DYNC2H1: variants seen among roughly 807,000 people sequenced by gnomAD.
The protein encoded by DYNC2H1 is dynein cytoplasmic 2 heavy chain 1.
DYNC2H1 carries 410 observed loss-of-function variants against 570.0 expected under a neutral mutation model. The observed-to-expected ratio is 0.72, with a 90% CI of 0.66 to 0.78. The LOEUF is 0.78. DYNC2H1 is among the 30% of genes least tolerant of loss of function. The pLI, the probability that DYNC2H1 is intolerant of heterozygous loss-of-function variation, is 0.00. For synonymous variants in DYNC2H1, 1,688 were observed against 1,677.6 expected (o/e 1.01, Z -0.15); for missense variants, 4,865 against 5,046.4 (o/e 0.96, Z 1.09).
At chr11:103,391,583 G>C (rs947042736) in intron 83 of DYNC2H1, among the ~76,000 whole-genome samples, 1 of 152,212 alleles carries the variant, frequency 6.6e-6, no homozygotes, top group Non-Finnish European at 1.5e-5. Context: ...CTGATTTTTA[G>C]AATTTTCAGC....
chr11:103,443,132 C>G (rs1944321012), intron 85 of DYNC2H1, among the ~76,000 whole-genome samples: 1 of 151,904 alleles, frequency 6.6e-6, no homozygotes, highest in South Asian at 2.1e-4. Flanking sequence ...CAATAAATCC[C>G]AGCTATCAAA....
At chr11:103,456,250 T>G (rs777654992) in intron 86 of DYNC2H1, 25 bp from the exon 87 acceptor site, 8 of 1,569,322 alleles carry the variant, frequency 5.1e-6, no homozygotes, top group Middle Eastern at 1.7e-4. Context: ...TATTGATTTG[T>G]GACTTTGATG....
At chr11:103,344,727 ATTC>A (rs1324031291) in intron 82 of DYNC2H1, among the ~76,000 whole-genome samples, 4 of 152,158 alleles carry the variant, frequency 2.6e-5, no homozygotes, top group Non-Finnish European at 4.4e-5. Context: ...ATTTATGTGT[ATTC>A]TTCTGATTTT....
chr11:103,228,923 A>AT lies in DYNC2H1; in HGVS notation c.9354-2337_9354-2336insT, dbSNP rs1468977104. Among the ~76,000 whole-genome samples, 1 of 150,940 alleles carries AT rather than the reference A, an allele frequency of 6.6e-6. No homozygotes were observed. The highest frequency in any genetic ancestry group is 6.6e-5 in the Admixed American group (1 of 15,128). Reference sequence around the variant, plus strand: ...GGGCTTGTTGTGGCTGCTGTGGGGGAGGGGGGTGTGGTTTCCAGTCCAATG... The same window carrying AT: ...GGGCTTGTTGTGGCTGCTGTGGGGGATGGGGGGTGTGGTTTCCAGTCCAATG... On this transcript the variant is annotated intron_variant, in intron 59 of 88. Transcript: ENST00000375735. This position sits in a 1 kb window ranked among gnomAD's most constrained non-coding sequence, Gnocchi z 6.1.
At position 103,170,834 on chromosome 11, in the gene DYNC2H1, T is replaced by C. The variant is rs184121850; in HGVS notation, c.5152-52T>C. Reference sequence around the variant, plus strand: ...AGTAACATTAAATATTAAGTAGTTATGGAGATTTTGATTATTTTTTAATGA... The same window carrying C: ...AGTAACATTAAATATTAAGTAGTTACGGAGATTTTGATTATTTTTTAATGA... On this transcript the variant is annotated intron_variant, in intron 33 of 88. Transcript: ENST00000375735. The surrounding 1 kb of genome is among the most constrained non-coding windows in gnomAD (Gnocchi z 4.8). The C allele has an allele frequency of 7.5e-6, 10 of 1,340,032 alleles. No homozygotes were observed. In the Admixed American group the frequency reaches 1.1e-4, roughly 15 times the overall value. 83.0% of individuals were successfully genotyped at this position (1,340,032 alleles called of 1,614,324 possible).
At chr11:103,437,892 T>C (rs1316890723) in intron 85 of DYNC2H1, among the ~76,000 whole-genome samples, 2 of 152,128 alleles carry the variant, frequency 1.3e-5, no homozygotes, top group East Asian at 1.9e-4. Context: ...AGTGGTACTA[T>C]AATTAATACT....
chr11:103,173,270 G>A lies in DYNC2H1; in HGVS notation c.5523G>A (p.Leu1841=). The stretch of plus-strand genomic sequence containing the variant: ...AAGGCTTTAAAGACGCTAAAGTATT[G>A]AGCAGAAAATTGGTAGCTATTTTCA... ...YSEGFKDAKV[L]SRKLVAIFNL... is the part of the protein sequence containing the mutation. Residue 1841 remains leucine (L), a synonymous_variant, in exon 35 of 89, where the codon TTG becomes TTA. Transcript: ENST00000375735. The A allele has an allele frequency of 6.3e-7, 1 of 1,585,460 alleles. No individual in the cohort carries two copies.
At chr11:103,455,135 T>C (rs867148916) in intron 85 of DYNC2H1, 51 bp from the exon 86 acceptor site, 1 of 1,346,360 alleles carries the variant, frequency 7.4e-7, no homozygotes. Flanking sequence ...AAGTCTTTAA[T>C]TGACTTATAA....
rs567503786 is a variant in DYNC2H1 at position 103,197,127 on chromosome 11, G to A, written c.7709-806G>A. On this transcript the variant is annotated intron_variant, in intron 47 of 88. Transcript: ENST00000375735. The stretch of plus-strand genomic sequence containing the variant: ...GATTTTTGTTTTCTAATTGAAATTT[G>A]GTCAGTTTTTTTTTTAAACATTAGG... 3.0e-4 allele frequency among the ~76,000 whole-genome samples: 45 copies of A among 151,052 alleles called. No individual in the cohort carries two copies. The South Asian group carries it at 9.3e-3, about 31-fold the overall frequency.
intron 83 of DYNC2H1, among the ~76,000 whole-genome samples, chr11:103,389,492 T>G (rs922241536): frequency 4.6e-5 from 7 of 152,096 alleles, no homozygotes; most frequent in Non-Finnish European, 8.8e-5. Context: ...TGTGTCTCTA[T>G]TTCCTTCATT....
At chr11:103,130,303 A>G (rs1032762561) in intron 13 of DYNC2H1, among the ~76,000 whole-genome samples, 13 of 151,988 alleles carry the variant, frequency 8.6e-5, no homozygotes, top group African/African-American at 2.9e-4. Context: ...AGTGGTAGGA[A>G]CTCTTCTGAA....
At chr11:103,233,602 TGAA>T (rs1224551872) in intron 60 of DYNC2H1, among the ~76,000 whole-genome samples, 1 of 151,892 alleles carries the variant, frequency 6.6e-6, no homozygotes, top group Non-Finnish European at 1.5e-5. Flanking sequence ...TGGAACATTC[TGAA>T]GAACACTGGA....
In DYNC2H1 at chr11:103,150,376, G is replaced by A. The variant is rs1035241050; in HGVS notation, c.2946+1759G>A. 2.6e-5 allele frequency among the ~76,000 whole-genome samples: 4 copies of A among 152,112 alleles called. No individual in the cohort carries two copies. The East Asian group carries it at 5.8e-4, about 22-fold the overall frequency. On this transcript the variant is annotated intron_variant, in intron 20 of 88. Transcript: ENST00000375735. ...AAGAGATGATGGAAGCTTGTATCAT[G>A]TAGTGGTAGTGGAGATAGAACTATA...
intron 84 of DYNC2H1, among the ~76,000 whole-genome samples, chr11:103,412,417 C>T (rs1487328517): frequency 6.6e-6 from 1 of 152,062 alleles, no homozygotes. Context: ...CATGTTAGAA[C>T]ATAGACTTTA....
At chr11:103,368,318 CGTT>C (rs1422899413) in intron 83 of DYNC2H1, among the ~76,000 whole-genome samples, 3 of 152,172 alleles carry the variant, frequency 2.0e-5, no homozygotes, top group Admixed American at 1.3e-4. Context: ...GACAACATCT[CGTT>C]GTGGTTTTGA....
At chr11:103,156,870 G>A (rs934635607) in intron 26 of DYNC2H1, 100 bp downstream of exon 26, 9 of 1,400,864 alleles carry the variant, frequency 6.4e-6, no homozygotes, top group Non-Finnish European at 8.6e-6. Flanking sequence ...TTACATGATT[G>A]GTATCCTCTG....
At chr11:103,169,566 A>G (rs550184955) in intron 32 of DYNC2H1, among the ~76,000 whole-genome samples, 4 of 152,238 alleles carry the variant, frequency 2.6e-5, no homozygotes, top group African/African-American at 9.6e-5. Flanking sequence ...AAATCTATCT[A>G]CCTCAATTGA....
intron 84 of DYNC2H1, among the ~76,000 whole-genome samples, chr11:103,432,056 G>A (rs1943911581): frequency 6.6e-6 from 1 of 152,090 alleles, no homozygotes; most frequent in African/African-American, 2.4e-5. Flanking sequence ...GCACCAAACA[G>A]CAACCATGAC....
At chr11:103,378,127 T>TA (rs11450216) in intron 83 of DYNC2H1, among the ~76,000 whole-genome samples, 102,253 of 151,816 alleles carry the variant, frequency 0.67, 34,534 homozygotes, top group Admixed American at 0.73. Flanking sequence ...TAAACAGGGA[T>TA]AAAAAATTTA....
Sources: allele counts gnomAD v4.1 joint callset (sites outside exome capture counted in the v4.1 genomes callset), GRCh38; gene constraint gnomAD v4.1.1; non-coding constraint Gnocchi (gnomAD v3.1); transcripts MANE v1.5; gene names NCBI Gene and HGNC (gene_info 2026-07-23, HGNC 2026-07-21).